Variants in GPR141 observed in about 807,000 individuals in gnomAD.
The protein encoded by GPR141 is probable G protein-coupled receptor 141.
In GPR141, 6 loss-of-function variants were observed where a neutral mutation model predicts 6.8. The observed-to-expected ratio is 0.88, with a 90% CI of 0.48 to 1.74. GPR141 has a LOEUF of 1.74. GPR141 is among the 40% of genes most tolerant of loss of function. The pLI is 0.01. For synonymous variants in GPR141, 140 were observed against 142.3 expected (o/e 0.98, Z 0.11); for missense variants, 372 against 372.9 (o/e 1.00, Z 0.02).
intron 2 of GPR141, among the ~76,000 whole-genome samples, chr7:37,715,194 C>T (rs1179378346): frequency 6.6e-6 from 1 of 152,156 alleles, no homozygotes; most frequent in African/African-American, 2.4e-5. Flanking sequence ...GATCACAGCG[C>T]ACTGCAGCCT....
Position 37,743,747 on chromosome 7 carries a change from A to G in GPR141, c.*2436A>G, listed in dbSNP as rs1812680843. Among the ~76,000 whole-genome samples, 1 of 152,184 alleles carries G rather than the reference A, an allele frequency of 6.6e-6. No homozygotes were observed. The highest frequency in any genetic ancestry group is 1.5e-5 in the Non-Finnish European group (1 of 68,018). On this transcript the variant is annotated 3_prime_UTR_variant, in exon 3 of 3. Transcript: ENST00000334425. ...CATATATTATAATAACAGGCTTATT[A>G]GAAATGTTCTCAAAAGATAGAAATG...
chr7:37,740,490 G>C lies in GPR141; in HGVS notation c.97G>C (p.Val33Leu). 6.2e-7 allele frequency: 1 copy of C among 1,613,954 alleles called. No homozygotes were observed. Among genetic ancestry groups the C allele is most frequent in the Non-Finnish European group, 8.5e-7 (1 of 1,179,938 alleles). Residue 33 changes from valine (V) to leucine (L), a missense_variant, in exon 3 of 3, where the codon GTG becomes CTG. Transcript: ENST00000334425. ...CTTCATAGTGCTTATTGGCGGGCTG[G>C]TGGGTGTCATTTCCATTCTTTTCCT... is the stretch of plus-strand genomic sequence containing the variant. Reference protein sequence around the residue: ...LYFIVLIGGLVGVISILFLLV... With the variant: ...LYFIVLIGGLLGVISILFLLV...
At chr7:37,687,639 TATG>T (rs1199692667) in intron 2 of GPR141, among the ~76,000 whole-genome samples, 2 of 152,102 alleles carry the variant, frequency 1.3e-5, no homozygotes, top group African/African-American at 4.8e-5. Flanking sequence ...GAATATGTCT[TATG>T]ATCCAAGGTC....
At position 37,740,378 on chromosome 7, in the gene GPR141, A is replaced by C; in HGVS notation, c.-14-2A>C. 6.4e-7 allele frequency: 1 copy of C among 1,564,000 alleles called. No individual in the cohort carries two copies. Among genetic ancestry groups the C allele is most frequent in the African/African-American group, 1.4e-5 (1 of 73,810 alleles). On this transcript the variant is annotated splice_acceptor_variant, in intron 2 of 2. Transcript: ENST00000334425. LOFTEE classifies it low-confidence loss of function (5UTR_SPLICE). ...GTTACTCTGGTGCTTTTTCTCCTCC[A>C]GGTGACTTCCCAAGTATGCCTGGCC...
At chr7:37,696,828 T>C (rs1175230647) in intron 2 of GPR141, among the ~76,000 whole-genome samples, 1 of 152,108 alleles carries the variant, frequency 6.6e-6, no homozygotes, top group Non-Finnish European at 1.5e-5. Context: ...ATGCCTACTC[T>C]CTCTCTCCTC....
At chr7:37,711,997 A>G (rs995009214) in intron 2 of GPR141, among the ~76,000 whole-genome samples, 2 of 152,236 alleles carry the variant, frequency 1.3e-5, no homozygotes, top group African/African-American at 4.8e-5. Context: ...TTCATTTCAT[A>G]ACAATTCAGG....
intron 2 of GPR141, among the ~76,000 whole-genome samples, chr7:37,688,228 C>T (rs780883733): frequency 2.6e-5 from 4 of 152,022 alleles, no homozygotes; most frequent in South Asian, 2.1e-4. Flanking sequence ...GTCAGGAGTT[C>T]GAGACCAGCC....
chr7:37,740,456 C>T lies in GPR141; in HGVS notation c.63C>T (p.Ile21=). ...SCDPIVTPHL[I]SLYFIVLIGG... The stretch of plus-strand genomic sequence containing the variant: ...ATCCTATAGTGACACCCCACTTAAT[C>T]AGCCTCTACTTCATAGTGCTTATTG... The change falls in exon 3 of 3, where the codon ATC becomes ATT. Residue 21 remains isoleucine (I), a synonymous_variant. Coordinates refer to ENST00000334425, the MANE Select transcript of GPR141 (RefSeq NM_001381946.1). 6.2e-7 allele frequency: 1 copy of T among 1,613,948 alleles called. No individual in the cohort carries two copies. Among genetic ancestry groups the T allele is most frequent in the South Asian group, 1.1e-5 (1 of 91,050 alleles).
At chr7:37,709,354 A>T (rs773502204) in intron 2 of GPR141, among the ~76,000 whole-genome samples, 1 of 152,214 alleles carries the variant, frequency 6.6e-6, no homozygotes, top group African/African-American at 2.4e-5. Flanking sequence ...CTTAGTAAAC[A>T]TCATTTTAAT....
At chr7:37,732,465 T>A (rs1435183105) in intron 2 of GPR141, among the ~76,000 whole-genome samples, 3 of 152,134 alleles carry the variant, frequency 2.0e-5, no homozygotes, top group Admixed American at 6.6e-5. Flanking sequence ...ATGTTGCAAT[T>A]TGATGCAGAT....
At chr7:37,722,119 C>CT (rs1402681538) in intron 2 of GPR141, among the ~76,000 whole-genome samples, 2 of 152,152 alleles carry the variant, frequency 1.3e-5, no homozygotes, top group African/African-American at 4.8e-5. Flanking sequence ...CATATGACCA[C>CT]TTTTTTATTG....
chr7:37,722,471 C>T (rs1178831049), intron 2 of GPR141, among the ~76,000 whole-genome samples: 1 of 151,406 alleles, frequency 6.6e-6, no homozygotes. Flanking sequence ...CCTCTAATCC[C>T]AGCACTTTGG....
At chr7:37,721,842 G>T (rs762632916) in intron 2 of GPR141, among the ~76,000 whole-genome samples, 1 of 152,152 alleles carries the variant, frequency 6.6e-6, no homozygotes, top group Non-Finnish European at 1.5e-5. Context: ...GTCTCAGGGG[G>T]CAATGGGTTA....
At chr7:37,715,369 A>G (rs1271480334) in intron 2 of GPR141, among the ~76,000 whole-genome samples, 2 of 152,062 alleles carry the variant, frequency 1.3e-5, no homozygotes, top group African/African-American at 4.8e-5. Context: ...GCCTTGGGCA[A>G]TCCTCCCACC....
chr7:37,700,817 A>G (rs1810247850), intron 2 of GPR141, among the ~76,000 whole-genome samples: 1 of 152,218 alleles, frequency 6.6e-6, no homozygotes, highest in Non-Finnish European at 1.5e-5. Flanking sequence ...TATATATGTA[A>G]GATGAAATTT....
chr7:37,687,490 A>G (rs1809563372), intron 2 of GPR141, among the ~76,000 whole-genome samples: 1 of 152,170 alleles, frequency 6.6e-6, no homozygotes. Flanking sequence ...GAGCCTGTGC[A>G]GTATCACTCT....
chr7:37,710,475 A>G (rs1166876028), intron 2 of GPR141, among the ~76,000 whole-genome samples: 1 of 152,214 alleles, frequency 6.6e-6, no homozygotes, highest in African/African-American at 2.4e-5. Flanking sequence ...TCTCTACAAG[A>G]TGGTTTTTGA....
At position 37,741,997 on chromosome 7, in the gene GPR141, G is replaced by T. The variant is rs1307012218; in HGVS notation, c.*686G>T. On this transcript the variant is annotated 3_prime_UTR_variant, in exon 3 of 3. Transcript: ENST00000334425. Reference sequence around the variant, plus strand: ...CTCAATTATCACCAATTGCACTGTTGCTCCAAAAATCATTTAAAAGCTTAC... The same window carrying T: ...CTCAATTATCACCAATTGCACTGTTTCTCCAAAAATCATTTAAAAGCTTAC... Among the ~76,000 whole-genome samples, 1 of 152,092 alleles carries T rather than the reference G, an allele frequency of 6.6e-6. No individual in the cohort carries two copies. Among genetic ancestry groups the T allele is most frequent in the Non-Finnish European group, 1.5e-5 (1 of 68,020 alleles).
chr7:37,714,169 T>C (rs1438880638), intron 2 of GPR141, among the ~76,000 whole-genome samples: 1 of 152,190 alleles, frequency 6.6e-6, no homozygotes, highest in Non-Finnish European at 1.5e-5. Context: ...AGCCTGTGAG[T>C]GTGGAAACAC....
Sources: gnomAD v4.1 joint callset for allele counts (sites outside exome capture counted in the v4.1 genomes callset) on GRCh38, gnomAD v4.1.1 for gene constraint, MANE v1.5 for transcripts, NCBI Gene and HGNC (gene_info 2026-07-23, HGNC 2026-07-21) for gene names.